The following LDB2 variants were observed in gnomAD, a reference collection of about 807,000 sequenced individuals.
LDB2 encodes LIM domain binding 2, also known as LIM domain-binding protein 2.
A neutral mutation model predicts 44.3 loss-of-function variants in LDB2; 12 were observed. The observed-to-expected ratio is 0.27, with a 90% confidence interval of 0.17 to 0.44. LDB2 has a LOEUF of 0.44. Among genes scored for constraint, LDB2 ranks in the 20% least tolerant of loss-of-function variants. The probability of loss-of-function intolerance (pLI) is 1.00; values close to 1 mark genes in which losing one functional copy is unlikely to be tolerated. For synonymous variants in LDB2, 164 were observed against 174.8 expected, an observed-to-expected ratio of 0.94 and a Z score of 0.49; for missense variants, 344 against 473.5, an observed-to-expected ratio of 0.73 and a Z score of 2.54.
chr4:16,814,660 T>G (rs947015499), intron 1 of LDB2, among the ~76,000 whole-genome samples: 1 of 152,304 alleles, frequency 6.6e-6, no homozygotes, highest in Admixed American at 6.5e-5. Flanking sequence ...ACAGAGATAT[T>G]GAGAGCTTTT....
intron 1 of LDB2, among the ~76,000 whole-genome samples, chr4:16,845,226 C>T (rs1786729021): frequency 6.6e-6 from 1 of 152,138 alleles, no homozygotes; most frequent in Non-Finnish European, 1.5e-5. Flanking sequence ...GTAAGCAGAT[C>T]CCCTGCTCCC....
intron 5 of LDB2, chr4:16,581,462 AG>A: frequency 1.0e-6 from 1 of 985,106 alleles, no homozygotes; most frequent in Non-Finnish European, 1.2e-6. Context: ...TCACTCAGCC[AG>A]GGTGTATTGT....
intron 1 of LDB2, among the ~76,000 whole-genome samples, chr4:16,813,842 C>G (rs945175905): frequency 2.0e-5 from 3 of 151,982 alleles, no homozygotes; most frequent in Non-Finnish European, 4.4e-5. Context: ...AAAGGGGCTA[C>G]CCACAGGGAT....
chr4:16,802,174 T>A (rs1645349386), intron 1 of LDB2, among the ~76,000 whole-genome samples: 1 of 152,168 alleles, frequency 6.6e-6, no homozygotes, highest in South Asian at 2.1e-4. Flanking sequence ...TGGACGCCCA[T>A]CCTCTTTGTG....
At chr4:16,598,135 G>A (rs2152444055) in intron 2 of LDB2, among the ~76,000 whole-genome samples, 1 of 152,280 alleles carries the variant, frequency 6.6e-6, no homozygotes, top group Non-Finnish European at 1.5e-5. Context: ...ACGCCCTTGT[G>A]TACGTAGTCC....
At chr4:16,565,962 A>G (rs1285604781) in intron 5 of LDB2, among the ~76,000 whole-genome samples, 1 of 152,014 alleles carries the variant, frequency 6.6e-6, no homozygotes, top group Non-Finnish European at 1.5e-5. Flanking sequence ...ACACACATGT[A>G]TCTATACATA....
chr4:16,838,522 T>A (rs1266790262), intron 1 of LDB2, among the ~76,000 whole-genome samples: 3 of 152,196 alleles, frequency 2.0e-5, no homozygotes, highest in Non-Finnish European at 2.9e-5. Context: ...GCTGAGAGTT[T>A]TGGGCCAAGA....
intron 1 of LDB2, among the ~76,000 whole-genome samples, chr4:16,839,893 A>T (rs1785544954): frequency 6.6e-6 from 1 of 152,162 alleles, no homozygotes; most frequent in Admixed American, 6.5e-5. Context: ...CAGGTCTATG[A>T]ATAATATGTA....
intron 1 of LDB2, among the ~76,000 whole-genome samples, chr4:16,808,154 T>A (rs1406916929): frequency 6.6e-6 from 1 of 152,156 alleles, no homozygotes; most frequent in East Asian, 1.9e-4. Flanking sequence ...AATCTTACAG[T>A]GGACGTCTCT....
chr4:16,566,234 A>G (rs1395081738), intron 5 of LDB2, among the ~76,000 whole-genome samples: 1 of 152,124 alleles, frequency 6.6e-6, no homozygotes, highest in African/African-American at 2.4e-5. Flanking sequence ...TCCTGAAAAG[A>G]AGAATGATGA....
At chr4:16,782,257 G>A (rs372334385) in intron 1 of LDB2, among the ~76,000 whole-genome samples, 6 of 152,154 alleles carry the variant, frequency 3.9e-5, no homozygotes, top group African/African-American at 1.4e-4. Flanking sequence ...TTCCTTGTGG[G>A]CAGAAATCAG....
chr4:16,853,614 T>A (rs1345715011), intron 1 of LDB2, among the ~76,000 whole-genome samples: 1 of 152,168 alleles, frequency 6.6e-6, no homozygotes, highest in Non-Finnish European at 1.5e-5. Context: ...GGCTTAGTAA[T>A]CCCTCTTCTG....
At chr4:16,756,181 A>G (rs929523396) in intron 2 of LDB2, among the ~76,000 whole-genome samples, 3 of 152,198 alleles carry the variant, frequency 2.0e-5, no homozygotes, top group African/African-American at 4.8e-5. Flanking sequence ...GTGGTGGCTC[A>G]TGCCTGTAAT....
intron 1 of LDB2, among the ~76,000 whole-genome samples, chr4:16,872,701 T>C (rs1397703692): frequency 6.6e-6 from 1 of 152,204 alleles, no homozygotes; most frequent in Non-Finnish European, 1.5e-5. Flanking sequence ...TCTCAATCCC[T>C]TTCATACTGT....
intron 5 of LDB2, among the ~76,000 whole-genome samples, chr4:16,536,500 A>AT (rs1731919998): frequency 6.6e-6 from 1 of 152,150 alleles, no homozygotes; most frequent in Admixed American, 6.5e-5. Context: ...GAAGTTGATG[A>AT]TTTTCCTTCA....
In LDB2 at chr4:16,714,815, C is replaced by A. The variant is rs183876891; in HGVS notation, c.235+44343G>T. On this transcript the variant is annotated intron_variant, in intron 2 of 7. Transcript: ENST00000304523. ...AGACACATCACCCTAATCCCTGTCT[C>A]TGTCTTCACTTGGCTTTCTCGTGGT... Among the ~76,000 whole-genome samples the A allele has an allele frequency of 4.6e-5, 7 of 152,224 alleles. No individual in the cohort carries two copies. In the East Asian group the frequency reaches 7.7e-4, roughly 17 times the overall value.
chr4:16,523,128 C>A (rs145144165), intron 5 of LDB2, among the ~76,000 whole-genome samples: 1 of 152,108 alleles, frequency 6.6e-6, no homozygotes, highest in African/African-American at 2.4e-5. Flanking sequence ...TGTACGTATG[C>A]ATGTATGTAC....
At chr4:16,758,210 T>C (rs1767080564) in intron 2 of LDB2, among the ~76,000 whole-genome samples, 1 of 152,224 alleles carries the variant, frequency 6.6e-6, no homozygotes, top group Non-Finnish European at 1.5e-5. Context: ...TGTTCTCTAG[T>C]GGCTTTGAAA....
At chr4:16,581,321 G>T in intron 5 of LDB2, 2 of 768,428 alleles carry the variant, frequency 2.6e-6, no homozygotes, top group Non-Finnish European at 3.2e-6. Context: ...CTTGCCCAGG[G>T]TCACACAGCT....
Sources: allele counts gnomAD v4.1 joint callset (sites outside exome capture counted in the v4.1 genomes callset), GRCh38; gene constraint gnomAD v4.1.1; transcripts MANE v1.5; gene names NCBI Gene and HGNC (gene_info 2026-07-23, HGNC 2026-07-21).